RASA2: variants seen among roughly 807,000 people sequenced by gnomAD.
RASA2 encodes RAS p21 protein activator 2.
RASA2 carries 155 observed loss-of-function variants against 118.2 expected under a neutral mutation model. The observed-to-expected ratio is 1.31, with a 90% CI of 1.15 to 1.50. The LOEUF (loss-of-function observed/expected upper bound fraction) is 1.50. Among genes scored for constraint, RASA2 ranks in the 40% most tolerant of loss-of-function variants. The pLI is 0.00. For missense variants in RASA2, 1,016 were observed against 1,009.6 expected (o/e 1.01, Z -0.09); for synonymous variants, 353 against 349.1 (o/e 1.01, Z -0.12).
intron 19 of RASA2, among the ~76,000 whole-genome samples, chr3:141,603,977 A>G (rs2083507468): frequency 6.6e-6 from 1 of 152,208 alleles, no homozygotes; most frequent in Non-Finnish European, 1.5e-5. Context: ...TTGTTTATTC[A>G]TTCACCAGTT....
chr3:141,539,468 A>C (rs888416049), intron 4 of RASA2, among the ~76,000 whole-genome samples: 1 of 152,186 alleles, frequency 6.6e-6, no homozygotes, highest in African/African-American at 2.4e-5. Flanking sequence ...TTCTTGTATA[A>C]GTCCCCTTAA....
chr3:141,533,967 C>A (rs1386558154), intron 4 of RASA2, among the ~76,000 whole-genome samples: 1 of 152,096 alleles, frequency 6.6e-6, no homozygotes, highest in Non-Finnish European at 1.5e-5. Context: ...ATACTGGTGA[C>A]CACTCCCTCC....
intron 7 of RASA2, among the ~76,000 whole-genome samples, chr3:141,557,055 A>G (rs2082661118): frequency 6.6e-6 from 1 of 152,042 alleles, no homozygotes; most frequent in African/African-American, 2.4e-5. Context: ...AGGCACTCAC[A>G]CTCCCCATTA....
chr3:141,549,569 C>T (rs991013355), intron 5 of RASA2, among the ~76,000 whole-genome samples: 3 of 151,734 alleles, frequency 2.0e-5, no homozygotes, highest in Admixed American at 1.3e-4. Flanking sequence ...GTGGAAAATG[C>T]TTTGTATCTT....
At chr3:141,499,991 C>T (rs1449716349) in intron 1 of RASA2, among the ~76,000 whole-genome samples, 1 of 152,160 alleles carries the variant, frequency 6.6e-6, no homozygotes, top group African/African-American at 2.4e-5. Context: ...AATTGCTTGA[C>T]AACTGAGTTA....
rs1450466900 is a variant in RASA2, at chr3:141,585,990, C to T, written c.1753-35C>T. ...CTGAATTTTTTATAATGTACCTTAT[C>T]ACACAGTGTAATATTTGCCCATTTC... On this transcript the variant is annotated intron_variant, in intron 17 of 23. Coordinates refer to ENST00000286364, the MANE Select transcript of RASA2 (RefSeq NM_006506.5). 6 of 1,527,626 alleles carry T rather than the reference C, an allele frequency of 3.9e-6. No homozygotes were observed. In the South Asian group the frequency reaches 4.6e-5, roughly 12 times the overall value. 94.6% of individuals were successfully genotyped at this position (1,527,626 alleles called of 1,614,324 possible).
At chr3:141,561,744 T>G (rs151171075) in intron 9 of RASA2, among the ~76,000 whole-genome samples, 1 of 152,336 alleles carries the variant, frequency 6.6e-6, no homozygotes, top group African/African-American at 2.4e-5. Context: ...CATCAGTAAT[T>G]TAATTCTGTT....
intron 1 of RASA2, among the ~76,000 whole-genome samples, chr3:141,492,125 G>A (rs557592035): frequency 1.3e-5 from 2 of 152,254 alleles, no homozygotes; most frequent in South Asian, 4.1e-4. Context: ...TGTGGAAGAC[G>A]GGAGGTAAAC....
intron 17 of RASA2, among the ~76,000 whole-genome samples, chr3:141,583,564 A>G (rs1374034328): frequency 2.0e-5 from 3 of 152,208 alleles, no homozygotes; most frequent in Non-Finnish European, 4.4e-5. Flanking sequence ...CGATGCTGTG[A>G]TAGGGCGCTT....
chr3:141,604,370 C>A (rs1444847959), intron 19 of RASA2, among the ~76,000 whole-genome samples: 1 of 151,948 alleles, frequency 6.6e-6, no homozygotes, highest in Admixed American at 6.6e-5. Context: ...ACTTGACTAT[C>A]CTATTTTTAC....
At chr3:141,590,194 T>C (rs1017300633) in intron 19 of RASA2, 21 of 455,576 alleles carry the variant, frequency 4.6e-5, no homozygotes, top group African/African-American at 3.8e-4. Flanking sequence ...ATATTAATTG[T>C]TATATGGATT....
rs1420584811 is a variant in RASA2 at position 141,613,248 on chromosome 3, T to G, written c.*935T>G. On this transcript the variant is annotated 3_prime_UTR_variant, in exon 24 of 24. Transcript: ENST00000286364. Reference sequence around the variant, plus strand: ...AGAACAGTCACTTGGCGCACTTTAATAATCTGGACTGCTCCAGATTTGACT... The same window carrying G: ...AGAACAGTCACTTGGCGCACTTTAAGAATCTGGACTGCTCCAGATTTGACT... 2 of 152,350 alleles carry G rather than the reference T, an allele frequency of 1.3e-5. No homozygotes were observed. The highest frequency in any genetic ancestry group is 3.9e-4 in the East Asian group (2 of 5,190). 9.4% of individuals were successfully genotyped at this position (152,350 alleles called of 1,614,324 possible). A position where few individuals can be genotyped will look rare whatever the true frequency, so the allele number is the denominator to read the frequency against.
At chr3:141,563,360 G>T (rs557205957) in intron 9 of RASA2, among the ~76,000 whole-genome samples, 7 of 151,978 alleles carry the variant, frequency 4.6e-5, no homozygotes, top group Non-Finnish European at 1.0e-4. Flanking sequence ...CAAATCTTGA[G>T]CCTTTTCTCT....
At chr3:141,599,412 C>G (rs139540475) in intron 19 of RASA2, among the ~76,000 whole-genome samples, 1 of 152,066 alleles carries the variant, frequency 6.6e-6, no homozygotes, top group Admixed American at 6.5e-5. Context: ...CACCCTCTCA[C>G]GTGCACAGAT....
intron 9 of RASA2, among the ~76,000 whole-genome samples, chr3:141,566,809 T>C (rs1338361571): frequency 6.6e-6 from 1 of 152,142 alleles, no homozygotes; most frequent in Non-Finnish European, 1.5e-5. Context: ...CTCATGTTAG[T>C]TAGAAACTTC....
Position 141,573,129 on chromosome 3 carries a change from G to GA in RASA2, c.1285-13dup, listed in dbSNP as rs750637880. On this transcript the variant is annotated splice_polypyrimidine_tract_variant and intron_variant, in intron 12 of 23. Coordinates refer to ENST00000286364, the MANE Select transcript of RASA2 (RefSeq NM_006506.5). ...ACTACTTAGAAAAAAATCATTAACT[G>GA]AAAAATTTATTTTTCAGATATGTGA... 2.6e-6 allele frequency: 4 copies of GA among 1,544,872 alleles called. No individual in the cohort carries two copies. The African/African-American group carries it at 5.7e-5, about 22-fold the overall frequency.
At chr3:141,540,478 T>C in intron 4 of RASA2, 55 bp from the exon 5 acceptor site, 1 of 1,427,616 alleles carries the variant, frequency 7.0e-7, no homozygotes, top group Non-Finnish European at 9.8e-7. Context: ...CACATACCTT[T>C]AATATTTTGT....
At chr3:141,519,788 A>G (rs1299092845) in intron 3 of RASA2, among the ~76,000 whole-genome samples, 2 of 152,086 alleles carry the variant, frequency 1.3e-5, no homozygotes, top group African/African-American at 4.8e-5. Flanking sequence ...CGTGGCACAC[A>G]AAGGTTGGGA....
rs183099989 is a variant in RASA2, at chr3:141,492,838, C to T, written c.133+5622C>T. The stretch of plus-strand genomic sequence containing the variant: ...GTGACTGTTAATTAATTCAGCAGCA[C>T]GTAATACATATCGAAGGGTCTGTTA... On this transcript the variant is annotated intron_variant, in intron 1 of 23. Coordinates refer to ENST00000286364, the MANE Select transcript of RASA2 (RefSeq NM_006506.5). 3.3e-5 allele frequency among the ~76,000 whole-genome samples: 5 copies of T among 152,272 alleles called. No homozygotes were observed. In the East Asian group the frequency reaches 5.8e-4, roughly 18 times the overall value.
Sources: allele counts gnomAD v4.1 joint callset (sites outside exome capture counted in the v4.1 genomes callset), GRCh38; gene constraint gnomAD v4.1.1; transcripts MANE v1.5; gene names NCBI Gene and HGNC (gene_info 2026-07-23, HGNC 2026-07-21).